Variants in DENND3 observed in about 807,000 individuals in gnomAD.
DENND3 encodes DENN domain-containing protein 3.
In DENND3, 88 loss-of-function variants were observed where a neutral mutation model predicts 135.1. That is an observed-to-expected ratio of 0.65 (90% CI 0.55 to 0.78). DENND3 has a LOEUF of 0.78. Among genes scored for constraint, DENND3 ranks in the 30% least tolerant of loss-of-function variants. DENND3 has a pLI of 0.00. For missense variants in DENND3, 1,392 were observed against 1,688.4 expected, an observed-to-expected ratio of 0.82 and a Z score of 3.08; for synonymous variants, 693 against 712.3, an observed-to-expected ratio of 0.97 and a Z score of 0.43.
chr8:141,156,894 C>T (rs763894443), intron 8 of DENND3, among the ~76,000 whole-genome samples: 9 of 149,014 alleles, frequency 6.0e-5, no homozygotes, highest in Non-Finnish European at 8.9e-5. Flanking sequence ...TGGGTTCAAG[C>T]GATTCTCCTG....
rs1266276331 is a variant in DENND3 at position 141,141,844 on chromosome 8, A to ACGAGCCGAGGGGTTTGAGG, written c.623+521_623+522insGAGCCGAGGGGTTTGAGGC. ...GACTGCTTGAGCCGAGGGGTTTGAG[A>ACGAGCCGAGGGGTTTGAGG]CAAGCCTAGGGAACATAGCAATACC... On this transcript the variant is annotated intron_variant, in intron 4 of 22. Transcript: ENST00000519811. This position sits in a 1 kb window ranked among gnomAD's most constrained non-coding sequence, Gnocchi z 5.3. The ACGAGCCGAGGGGTTTGAGG allele has an allele frequency of 1.0e-5, 2 of 192,956 alleles. No homozygotes were observed. Among genetic ancestry groups the ACGAGCCGAGGGGTTTGAGG allele is most frequent in the Non-Finnish European group, 2.2e-5 (2 of 91,412 alleles). The allele number at this position is 192,956 out of a possible 1,614,324, so 12.0% of individuals were successfully genotyped here.
At chr8:141,131,698 C>A (rs573523174) in intron 1 of DENND3, among the ~76,000 whole-genome samples, 2 of 152,236 alleles carry the variant, frequency 1.3e-5, no homozygotes, top group Non-Finnish European at 2.9e-5. Flanking sequence ...TGTACTCTAA[C>A]TTAGAAATTA....
intron 5 of DENND3, among the ~76,000 whole-genome samples, chr8:141,149,576 C>A (rs1184048660): frequency 6.6e-6 from 1 of 152,236 alleles, no homozygotes; most frequent in African/African-American, 2.4e-5. Context: ...GGAGGCCATC[C>A]CGGCAGCTTA....
In DENND3 at chr8:141,144,119, C is replaced by T. The variant is rs376229948; in HGVS notation, c.624-29C>T. 7.8e-5 allele frequency: 122 copies of T among 1,563,896 alleles called. No individual in the cohort carries two copies. The highest frequency in any genetic ancestry group is 9.4e-5 in the Non-Finnish European group (107 of 1,142,768). On this transcript the variant is annotated intron_variant, in intron 4 of 22. Transcript: ENST00000519811. The surrounding 1 kb of genome is among the most constrained non-coding windows in gnomAD (Gnocchi z 4.4). Reference sequence around the variant, plus strand: ...CAACTGCGTTCTCATCTTTATTTTGCGGTTTGAGTTTTGTGTTTCGAATTT... The same window carrying T: ...CAACTGCGTTCTCATCTTTATTTTGTGGTTTGAGTTTTGTGTTTCGAATTT...
chr8:141,178,706 T>C (rs1443872501), intron 16 of DENND3, among the ~76,000 whole-genome samples: 1 of 152,326 alleles, frequency 6.6e-6, no homozygotes, highest in East Asian at 1.9e-4. Context: ...CAGGATCCGC[T>C]TTTTTCTTGA....
At position 141,166,190 on chromosome 8, in the gene DENND3, A is replaced by G; in HGVS notation, c.1554A>G (p.Arg518=). ...AACGCGTTGCTTTTTCGTACCCCAG[A>G]ATAAATGGAATGCTTCTAAGTCCAA... The part of the protein sequence containing the change: ...MDLDTQSEED[R]INGMLLSPRR... The change falls in exon 12 of 23, where the codon AGA becomes AGG. Residue 518 remains arginine (R), a splice_region_variant and synonymous_variant. Transcript: ENST00000519811. The surrounding 1 kb of genome is among the most constrained non-coding windows in gnomAD (Gnocchi z 4.3). The G allele has an allele frequency of 6.2e-7, 1 of 1,614,160 alleles. No individual in the cohort carries two copies. The highest frequency in any genetic ancestry group is 1.1e-5 in the South Asian group (1 of 91,080).
At chr8:141,185,006 T>G (rs1569556855) in intron 17 of DENND3, 133 bp from the exon 18 acceptor site, 1 of 1,200,632 alleles carries the variant, frequency 8.3e-7, no homozygotes, top group Non-Finnish European at 1.2e-6. Flanking sequence ...TGGGCACGTC[T>G]TTGTACGTAC....
At chr8:141,179,554 T>G (rs1473010758) in intron 16 of DENND3, among the ~76,000 whole-genome samples, 1 of 152,214 alleles carries the variant, frequency 6.6e-6, no homozygotes, top group Non-Finnish European at 1.5e-5. Flanking sequence ...GAGCTTAATT[T>G]AGTAGCTTAT....
rs1816825868 is a variant in DENND3 at position 141,136,679 on chromosome 8, C to T, written c.273C>T (p.Pro91=). The T allele has an allele frequency of 1.9e-6, 3 of 1,613,334 alleles. No homozygotes were observed. Among genetic ancestry groups the T allele is most frequent in the Non-Finnish European group, 2.5e-6 (3 of 1,179,760 alleles). The change falls in exon 2 of 23, where the codon CCC becomes CCT. Residue 91 remains proline, a synonymous_variant. Coordinates refer to ENST00000519811, the MANE Select transcript of DENND3 (RefSeq NM_001352890.3). ...CCTTGAGAAAGAAGAGAGAGAAGCC[C>T]AGACCAGAGCAGTGGAAGGGCCTCC... is the stretch of plus-strand genomic sequence containing the variant. ...MRSLRKKREK[P]RPEQWKGLPG...
In DENND3 at chr8:141,175,720, G is replaced by C; in HGVS notation, c.2535+261G>C. 1 of 507,670 alleles carries C rather than the reference G, an allele frequency of 2.0e-6. No individual in the cohort carries two copies. Among genetic ancestry groups the C allele is most frequent in the Non-Finnish European group, 3.6e-6 (1 of 279,458 alleles). The allele number at this position is 507,670 out of a possible 1,614,324, so 31.4% of individuals were successfully genotyped here. A position where few individuals can be genotyped will look rare whatever the true frequency, so the allele number is the denominator to read the frequency against. ...ACTGATTCTCTGTCACAGCTGACTT[G>C]CATCTGGGAGGCAGGAAGTAAGAAT... On this transcript the variant is annotated intron_variant, in intron 14 of 22. Transcript: ENST00000519811. The surrounding 1 kb of genome is among the most constrained non-coding windows in gnomAD (Gnocchi z 5.4).
intron 5 of DENND3, among the ~76,000 whole-genome samples, chr8:141,147,121 C>G (rs895863510): frequency 6.6e-6 from 1 of 152,192 alleles, no homozygotes; most frequent in Non-Finnish European, 1.5e-5. Context: ...CTTCCCTCAC[C>G]CATTCCGTCC....
In DENND3 at chr8:141,182,544, T is replaced by A. The variant is rs1197457178; in HGVS notation, c.2944+1690T>A. The A allele has an allele frequency of 4.1e-6, 4 of 965,136 alleles. No individual in the cohort carries two copies. The African/African-American group carries it at 7.1e-5, about 17-fold the overall frequency. The allele number at this position is 965,136 out of a possible 1,614,324, so 59.8% of individuals were successfully genotyped here. On this transcript the variant is annotated intron_variant, in intron 17 of 22. Transcript: ENST00000519811. The surrounding 1 kb of genome is among the most constrained non-coding windows in gnomAD (Gnocchi z 5.9). The stretch of plus-strand genomic sequence containing the variant: ...ATGAAACTCACTCTGAGCTTCCTGT[T>A]GTGACGGGCGAGGAGTTCAGGCGGC...
Position 141,150,220 on chromosome 8 carries a change from TG to T in DENND3, c.736-612del, listed in dbSNP as rs1212924901. On this transcript the variant is annotated intron_variant, in intron 5 of 22. Transcript: ENST00000519811. ...AACTCGCTGTTTGCAGCCCATTTCC[TG>T]GCAGGCTCAGAAGCCCTCCCTCAGT... 3.5e-5 allele frequency: 31 copies of T among 896,406 alleles called. No individual in the cohort carries two copies. The Admixed American group carries it at 1.2e-3, about 35-fold the overall frequency. 55.5% of individuals were successfully genotyped at this position (896,406 alleles called of 1,614,324 possible).
At chr8:141,155,801 T>C in intron 7 of DENND3, 48 bp from the exon 8 acceptor site, 1 of 1,543,906 alleles carries the variant, frequency 6.5e-7, no homozygotes, top group Non-Finnish European at 8.8e-7. Flanking sequence ...GGTATACAAA[T>C]TCCGAAATTC....
At chr8:141,190,561 C>T in intron 20 of DENND3, 144 bp downstream of exon 20, 1 of 1,289,324 alleles carries the variant, frequency 7.8e-7, no homozygotes, top group Non-Finnish European at 1.0e-6. Flanking sequence ...TCTGTGGTCG[C>T]AGCAACCTTT....
At chr8:141,181,562 G>A (rs1199525707) in intron 17 of DENND3, among the ~76,000 whole-genome samples, 1 of 152,158 alleles carries the variant, frequency 6.6e-6, no homozygotes, top group Non-Finnish European at 1.5e-5. Flanking sequence ...CCTGCACGCC[G>A]CATCAGGGTG....
intron 4 of DENND3, chr8:141,142,085 A>G (rs963883774): frequency 4.0e-5 from 12 of 296,314 alleles, no homozygotes; most frequent in Non-Finnish European, 7.3e-5. Context: ...GCTGATGGTG[A>G]GTAGAAAGGC....
rs1340876064 is a variant in DENND3 at position 141,194,393 on chromosome 8, C to T, written c.*160C>T. Reference sequence around the variant, plus strand: ...TGTGGCCAGCCGCGAGACCCATGGCCACGCACCTTCTCTCAGGCCTTCGGG... The same window carrying T: ...TGTGGCCAGCCGCGAGACCCATGGCTACGCACCTTCTCTCAGGCCTTCGGG... On this transcript the variant is annotated 3_prime_UTR_variant, in exon 23 of 23. Coordinates refer to ENST00000519811, the MANE Select transcript of DENND3 (RefSeq NM_001352890.3). The T allele has an allele frequency of 5.1e-6, 4 of 790,688 alleles. No homozygotes were observed. In the African/African-American group the frequency reaches 5.2e-5, roughly 10 times the overall value. The allele number at this position is 790,688 out of a possible 1,614,324, so 49.0% of individuals were successfully genotyped here. A position where few individuals can be genotyped will look rare whatever the true frequency, so the allele number is the denominator to read the frequency against.
At position 141,146,688 on chromosome 8, in the gene DENND3, A is replaced by C. The variant is rs307760; in HGVS notation, c.735+2429A>C. 6.6e-6 allele frequency among the ~76,000 whole-genome samples: 1 copy of C among 152,062 alleles called. No individual in the cohort carries two copies. Among genetic ancestry groups the C allele is most frequent in the African/African-American group, 2.4e-5 (1 of 41,352 alleles). ...TTTTTAACATTACCCCAACCCCAGC[A>C]GTCTGCTGGGTGGAAAATCCTGCCG... On this transcript the variant is annotated intron_variant, in intron 5 of 22. Coordinates refer to ENST00000519811, the MANE Select transcript of DENND3 (RefSeq NM_001352890.3). This position sits in a 1 kb window ranked among gnomAD's most constrained non-coding sequence, Gnocchi z 4.3.
Sources: allele counts gnomAD v4.1 joint callset (sites outside exome capture counted in the v4.1 genomes callset), GRCh38; gene constraint gnomAD v4.1.1; non-coding constraint Gnocchi (gnomAD v3.1); transcripts MANE v1.5; gene names NCBI Gene and HGNC (gene_info 2026-07-23, HGNC 2026-07-21).